The following GPC5 variants were observed in gnomAD, a reference collection of about 807,000 sequenced individuals.
The protein encoded by GPC5 is glypican 5, also known as glypican-5.
GPC5 carries 47 observed loss-of-function variants against 53.9 expected under a neutral mutation model. That is an observed-to-expected ratio of 0.87 (90% confidence interval 0.69 to 1.11). GPC5 has a LOEUF of 1.11. Among genes scored for constraint, GPC5 ranks in the 50% most tolerant of loss-of-function variants. The pLI is 0.00. For missense variants in GPC5, 748 were observed against 713.1 expected (o/e 1.05, Z -0.56); for synonymous variants, 286 against 263.3 (o/e 1.09, Z -0.84).
At chr13:91,971,376 G>A (rs1307634779) in intron 6 of GPC5, among the ~76,000 whole-genome samples, 14 of 151,410 alleles carry the variant, frequency 9.2e-5, no homozygotes, top group Admixed American at 7.2e-4. Context: ...TATTAGTCTT[G>A]CTAGCGGTCT....
intron 7 of GPC5, among the ~76,000 whole-genome samples, chr13:92,829,109 G>A (rs1877957432): frequency 6.6e-6 from 1 of 152,142 alleles, no homozygotes; most frequent in South Asian, 2.1e-4. Flanking sequence ...GGAAACAGAT[G>A]TAATGTATGT....
intron 7 of GPC5, among the ~76,000 whole-genome samples, chr13:92,574,988 G>A (rs1883147449): frequency 6.6e-6 from 1 of 152,052 alleles, no homozygotes; most frequent in Non-Finnish European, 1.5e-5. Context: ...CCTGATTTCT[G>A]TTCCATTACA....
At chr13:92,682,701 G>A (rs796736872) in intron 7 of GPC5, among the ~76,000 whole-genome samples, 8 of 152,256 alleles carry the variant, frequency 5.3e-5, no homozygotes, top group African/African-American at 1.9e-4. Context: ...TCTATAACAA[G>A]TTTAGATGTC....
At chr13:91,632,237 G>A (rs949507184) in intron 2 of GPC5, among the ~76,000 whole-genome samples, 2 of 152,142 alleles carry the variant, frequency 1.3e-5, no homozygotes, top group Non-Finnish European at 2.9e-5. Flanking sequence ...AGAATCGTTA[G>A]ATGATTAGTG....
chr13:91,765,234 C>G (rs149082949), intron 5 of GPC5, among the ~76,000 whole-genome samples: 17 of 152,364 alleles, frequency 1.1e-4, no homozygotes, highest in Non-Finnish European at 2.2e-4. Context: ...CAACACTTCT[C>G]TCACCTAGGA....
chr13:91,790,125 A>G (rs1014375726), intron 5 of GPC5, among the ~76,000 whole-genome samples: 2 of 152,124 alleles, frequency 1.3e-5, no homozygotes, highest in Non-Finnish European at 2.9e-5. Context: ...ACAAACCAAC[A>G]TTCATCTTTT....
intron 6 of GPC5, among the ~76,000 whole-genome samples, chr13:91,965,741 C>T (rs1352902095): frequency 6.6e-6 from 1 of 152,136 alleles, no homozygotes; most frequent in Non-Finnish European, 1.5e-5. Context: ...ATCACTTCAT[C>T]GTTATGGAGT....
chr13:92,263,367 G>A (rs147194006), intron 7 of GPC5, among the ~76,000 whole-genome samples: 1 of 152,238 alleles, frequency 6.6e-6, no homozygotes, highest in African/African-American at 2.4e-5. Flanking sequence ...CATTGCAAAC[G>A]TGCTTCCCAC....
At chr13:91,744,730 G>A (rs555899196) in intron 4 of GPC5, among the ~76,000 whole-genome samples, 9 of 152,174 alleles carry the variant, frequency 5.9e-5, no homozygotes, top group East Asian at 1.9e-4. Context: ...TGCTTGTTCC[G>A]TAAGTCACAA....
intron 7 of GPC5, among the ~76,000 whole-genome samples, chr13:92,547,996 A>ATTTTT (rs35318055): frequency 2.2e-5 from 3 of 136,212 alleles, no homozygotes; most frequent in Non-Finnish European, 1.6e-5. Flanking sequence ...CGCCTGGCTA[A>ATTTTT]TTTTTTTTTT....
chr13:92,009,253 C>CGTGTGTGTCTGTGT (rs2040638363), intron 6 of GPC5, among the ~76,000 whole-genome samples: 1 of 139,742 alleles, frequency 7.2e-6, no homozygotes, highest in Admixed American at 7.2e-5. Context: ...GCTGGATTTT[C>CGTGTGTGTCTGTGT]GTGTGTGTGT....
intron 2 of GPC5, among the ~76,000 whole-genome samples, chr13:91,577,884 G>A (rs559934038): frequency 9.4e-4 from 143 of 152,260 alleles, no homozygotes; most frequent in African/African-American, 3.1e-3. Context: ...CATTCCTTTC[G>A]AAAGATGGAA....
intron 7 of GPC5, among the ~76,000 whole-genome samples, chr13:92,364,603 A>G (rs2139286016): frequency 6.6e-6 from 1 of 151,648 alleles, no homozygotes; most frequent in South Asian, 2.1e-4. Context: ...GGTGGCAAGA[A>G]CCTGTAGTCC....
chr13:92,858,081 G>A (rs1019307691), intron 7 of GPC5, among the ~76,000 whole-genome samples: 1 of 152,134 alleles, frequency 6.6e-6, no homozygotes, highest in Non-Finnish European at 1.5e-5. Context: ...GCCCATCAGT[G>A]GTAGACTGGA....
intron 6 of GPC5, among the ~76,000 whole-genome samples, chr13:92,010,770 A>T (rs1045313694): frequency 6.6e-6 from 1 of 152,162 alleles, no homozygotes; most frequent in African/African-American, 2.4e-5. Context: ...GTAGGCATCT[A>T]CAAGCCAGGA....
At chr13:91,967,718 G>T (rs114222416) in intron 6 of GPC5, among the ~76,000 whole-genome samples, 2,949 of 151,708 alleles carry the variant, frequency 0.019, 89 homozygotes, top group African/African-American at 0.067. Flanking sequence ...TGTTAATTTT[G>T]TAAACATTTT....
In GPC5 at chr13:92,193,607, C is replaced by CT. The variant is rs530072490; in HGVS notation, c.1561+48620dup. Among the ~76,000 whole-genome samples the CT allele has an allele frequency of 7.4e-4, 113 of 152,312 alleles. 3 individuals are homozygous for CT. In the South Asian group the frequency reaches 0.016, roughly 22 times the overall value. On this transcript the variant is annotated intron_variant, in intron 7 of 7. Coordinates refer to ENST00000377067, the MANE Select transcript of GPC5 (RefSeq NM_004466.6). ...TTATAGTTCAACTCTGAAATGTAAA[C>CT]TTAAACCATTTTCCTATCATTGTAA... is the stretch of plus-strand genomic sequence containing the variant.
At chr13:91,571,936 C>T (rs1305373111) in intron 2 of GPC5, among the ~76,000 whole-genome samples, 1 of 113,212 alleles carries the variant, frequency 8.8e-6, no homozygotes, top group African/African-American at 3.5e-5. Context: ...TATATACACA[C>T]ATGTATATAC....
chr13:91,449,753 G>A (rs752253336), intron 2 of GPC5, among the ~76,000 whole-genome samples: 4 of 152,018 alleles, frequency 2.6e-5, no homozygotes, highest in Non-Finnish European at 5.9e-5. Flanking sequence ...AAAATTACAA[G>A]GCACACTGAA....
Sources: gnomAD v4.1 joint callset for allele counts (sites outside exome capture counted in the v4.1 genomes callset) on GRCh38, gnomAD v4.1.1 for gene constraint, MANE v1.5 for transcripts, NCBI Gene and HGNC (gene_info 2026-07-23, HGNC 2026-07-21) for gene names.